The following GRIP1 variants were observed in gnomAD, a reference collection of about 807,000 sequenced individuals.
The protein encoded by GRIP1 is glutamate receptor interacting protein 1, also known as glutamate receptor-interacting protein 1.
A neutral mutation model predicts 129.9 loss-of-function variants in GRIP1; 45 were observed. The ratio of observed to expected loss-of-function variants is 0.35; its 90% confidence interval spans 0.27 to 0.44. The LOEUF (loss-of-function observed/expected upper bound fraction) is 0.44. Ranked by LOEUF, GRIP1 falls within the 20% of genes least tolerant of loss-of-function variation. The pLI is 1.00. For missense variants in GRIP1, 1,196 were observed against 1,396.8 expected (o/e 0.86, Z 2.29); for synonymous variants, 530 against 520.8 (o/e 1.02, Z -0.24).
chr12:66,514,889 T>TCGAGTC (rs1195775240), intron 7 of GRIP1, among the ~76,000 whole-genome samples: 1 of 152,172 alleles, frequency 6.6e-6, no homozygotes, highest in East Asian at 1.9e-4. Context: ...AGTCTGATAA[T>TCGAGTC]TGTAAGGTTT....
At chr12:67,042,927 A>G (rs1366031967) in intron 1 of GRIP1, among the ~76,000 whole-genome samples, 2 of 152,240 alleles carry the variant, frequency 1.3e-5, no homozygotes, top group Non-Finnish European at 2.9e-5. Flanking sequence ...CTGAGTAAGC[A>G]GAGAAGAGCT....
intron 14 of GRIP1, 109 bp downstream of exon 14, chr12:66,432,439 T>C (rs978236108): frequency 2.2e-5 from 15 of 684,778 alleles, no homozygotes; most frequent in East Asian, 1.6e-4. Context: ...TATCATGATA[T>C]AAAAACTTCG....
At chr12:66,850,857 C>A (rs2039898745) in intron 1 of GRIP1, among the ~76,000 whole-genome samples, 2 of 151,416 alleles carry the variant, frequency 1.3e-5, no homozygotes, top group South Asian at 4.2e-4. Flanking sequence ...TGTGACCTCT[C>A]TCCTGGTAAT....
At chr12:66,461,494 TGTGA>T (rs1372532890) in intron 9 of GRIP1, among the ~76,000 whole-genome samples, 2 of 152,210 alleles carry the variant, frequency 1.3e-5, no homozygotes, top group East Asian at 3.9e-4. Context: ...TGTGCATCCT[TGTGA>T]ACGGCACCTT....
At chr12:66,850,566 G>A (rs996708540) in intron 1 of GRIP1, among the ~76,000 whole-genome samples, 1 of 151,950 alleles carries the variant, frequency 6.6e-6, no homozygotes, top group Non-Finnish European at 1.5e-5. Context: ...CCATGTAATA[G>A]AAACTAATTG....
chr12:66,798,456 T>A (rs1343883670), intron 1 of GRIP1, among the ~76,000 whole-genome samples: 1 of 152,174 alleles, frequency 6.6e-6, no homozygotes, highest in Admixed American at 6.5e-5. Flanking sequence ...AACATATAAC[T>A]TACAATGTAT....
chr12:66,827,387 T>TGTGTGTGTGTGTGTGA (rs755458052), intron 1 of GRIP1, among the ~76,000 whole-genome samples: 1 of 108,226 alleles, frequency 9.2e-6, no homozygotes, highest in African/African-American at 3.6e-5. Flanking sequence ...TGTGTGTGTG[T>TGTGTGTGTGTGTGTGA]GAGAGAGAGA....
chr12:66,407,722 C>T (rs182097216), intron 15 of GRIP1, among the ~76,000 whole-genome samples: 23 of 152,306 alleles, frequency 1.5e-4, no homozygotes, highest in Middle Eastern at 3.4e-3. Context: ...CACTGCTGCA[C>T]GCTAAAGTGT....
Position 66,645,910 on chromosome 12 carries a change from C to T in GRIP1, c.55+32940G>A, listed in dbSNP as rs747418571. ...TTTAAGTGAAAATCATCAATGTAAG[C>T]GTCTAGGGCTTCGGAGGCAGAGAAA... On this transcript the variant is annotated intron_variant, in intron 1 of 24. Coordinates refer to ENST00000359742, the MANE Select transcript of GRIP1 (RefSeq NM_001366722.1). Among the ~76,000 whole-genome samples, 17 of 152,180 alleles carry T rather than the reference C, an allele frequency of 1.1e-4. 1 individual carries two copies. The highest frequency in any genetic ancestry group is 2.1e-4 in the South Asian group (1 of 4,824).
upstream of GRIP1, among the ~76,000 whole-genome samples, chr12:66,804,578 G>A (rs763803016): frequency 1.8e-4 from 27 of 152,082 alleles, no homozygotes; most frequent in Non-Finnish European, 3.2e-4. Flanking sequence ...GTCCCAGCAC[G>A]AGAATTTCAC....
intron 1 of GRIP1, among the ~76,000 whole-genome samples, chr12:66,691,180 A>G (rs1404568637): frequency 6.6e-6 from 1 of 152,184 alleles, no homozygotes; most frequent in Non-Finnish European, 1.5e-5. Flanking sequence ...ACTAAATTCA[A>G]TGACTTCTAA....
chr12:66,358,985 T>C (rs750404333), intron 23 of GRIP1, among the ~76,000 whole-genome samples: 10 of 152,186 alleles, frequency 6.6e-5, no homozygotes, highest in Non-Finnish European at 1.3e-4. Context: ...TTGCCCCTTT[T>C]CTGTCTTTGT....
intron 1 of GRIP1, among the ~76,000 whole-genome samples, chr12:66,734,760 G>A (rs184205094): frequency 5.9e-4 from 90 of 152,258 alleles, no homozygotes; most frequent in Admixed American, 5.1e-3. Flanking sequence ...TGAATGGTAG[G>A]AAGAGTGTTA....
chr12:66,883,334 G>T (rs1273700448), intron 1 of GRIP1, among the ~76,000 whole-genome samples: 1 of 152,034 alleles, frequency 6.6e-6, no homozygotes, highest in Non-Finnish European at 1.5e-5. Flanking sequence ...TTGAGGGCAT[G>T]GATCATGTTT....
At chr12:66,978,671 T>C (rs1466782639) in intron 1 of GRIP1, among the ~76,000 whole-genome samples, 2 of 152,050 alleles carry the variant, frequency 1.3e-5, no homozygotes, top group Non-Finnish European at 2.9e-5. Context: ...TTACTAGATT[T>C]CAGCCAAAAA....
At chr12:66,577,446 AT>A (rs940562877) in intron 2 of GRIP1, among the ~76,000 whole-genome samples, 25 of 152,162 alleles carry the variant, frequency 1.6e-4, no homozygotes, top group African/African-American at 5.5e-4. Flanking sequence ...GCACGCACAT[AT>A]TTTTTTAGGT....
chr12:66,496,373 C>G (rs754051330), intron 7 of GRIP1, among the ~76,000 whole-genome samples: 1 of 152,092 alleles, frequency 6.6e-6, no homozygotes. Flanking sequence ...GTTACCACAG[C>G]GGGGCACCTT....
intron 1 of GRIP1, among the ~76,000 whole-genome samples, chr12:66,751,299 T>C (rs1166160459): frequency 2.0e-5 from 3 of 152,054 alleles, no homozygotes; most frequent in African/African-American, 4.8e-5. Flanking sequence ...CTAAGACAGA[T>C]AGAGGAGTTC....
intron 11 of GRIP1, among the ~76,000 whole-genome samples, chr12:66,454,031 T>C (rs954873669): frequency 1.2e-4 from 19 of 152,244 alleles, no homozygotes; most frequent in South Asian, 8.3e-4. Context: ...CATTTTCATA[T>C]ACCAAAGATG....
Sources: gnomAD v4.1 joint callset for allele counts (sites outside exome capture counted in the v4.1 genomes callset) on GRCh38, gnomAD v4.1.1 for gene constraint, MANE v1.5 for transcripts, NCBI Gene and HGNC (gene_info 2026-07-23, HGNC 2026-07-21) for gene names.